MARCHF10: variants seen among roughly 807,000 people sequenced by gnomAD.
MARCHF10 encodes membrane associated ring-CH-type finger 10, also known as probable E3 ubiquitin-protein ligase MARCHF10.
Under a neutral mutation model 76.2 loss-of-function variants are expected in MARCHF10, and 64 were observed. The observed-to-expected ratio is 0.84, with a 90% confidence interval of 0.69 to 1.03. The LOEUF (loss-of-function observed/expected upper bound fraction) is 1.03, where lower values mean the gene tolerates loss of function less well. Among genes scored for constraint, MARCHF10 ranks in the 50% least tolerant of loss-of-function variants. The pLI, the probability that MARCHF10 is intolerant of heterozygous loss-of-function variation, is 0.00. For missense variants in MARCHF10, 875 were observed against 958.0 expected (o/e 0.91, Z 1.14); for synonymous variants, 340 against 357.5 (o/e 0.95, Z 0.55).
intron 8 of MARCHF10, among the ~76,000 whole-genome samples, chr17:62,717,428 C>CAAT (rs2090267361): frequency 6.6e-6 from 1 of 152,260 alleles, no homozygotes; most frequent in African/African-American, 2.4e-5. Flanking sequence ...CCACGTGGAG[C>CAAT]AATGACTGTG....
At chr17:62,781,594 C>T (rs2092659032) in intron 3 of MARCHF10, among the ~76,000 whole-genome samples, 1 of 152,216 alleles carries the variant, frequency 6.6e-6, no homozygotes, top group African/African-American at 2.4e-5. Flanking sequence ...TGAAATCCAA[C>T]TGCTGCATAA....
chr17:62,805,728 G>A (rs1598100042), intron 1 of MARCHF10, among the ~76,000 whole-genome samples: 1 of 151,974 alleles, frequency 6.6e-6, no homozygotes. Context: ...CCTGGCCAAC[G>A]TGGCAAAACC....
At position 62,711,104 on chromosome 17, in the gene MARCHF10, C is replaced by G; in HGVS notation, c.2328+127G>C. 1.4e-6 allele frequency: 1 copy of G among 723,170 alleles called. No homozygotes were observed. Among genetic ancestry groups the G allele is most frequent in the Non-Finnish European group, 2.4e-6 (1 of 417,322 alleles). The allele number at this position is 723,170 out of a possible 1,614,324, so 44.8% of individuals were successfully genotyped here. Reference sequence around the variant, plus strand: ...ACTTAGCAGCTGCTAAATCTTAGTCCTAACAATGATAGTCCCATATCCTCC... The same window carrying G: ...ACTTAGCAGCTGCTAAATCTTAGTCGTAACAATGATAGTCCCATATCCTCC... On this transcript the variant is annotated intron_variant, in intron 9 of 10. Coordinates refer to ENST00000311269, the MANE Select transcript of MARCHF10 (RefSeq NM_152598.4). This position sits in a 1 kb window ranked among gnomAD's most constrained non-coding sequence, Gnocchi z 4.4.
intron 3 of MARCHF10, among the ~76,000 whole-genome samples, chr17:62,769,902 A>T (rs544497267): frequency 2.6e-5 from 4 of 152,096 alleles, no homozygotes; most frequent in South Asian, 2.1e-4. Context: ...GCTTTTAAAA[A>T]TTTTTTTCAA....
chr17:62,744,463 G>T lies in MARCHF10; in HGVS notation c.448C>A (p.Pro150Thr). Residue 150 changes from proline to threonine, a missense_variant, in exon 5 of 11, where the codon CCA becomes ACA. Transcript: ENST00000311269. ...KPNLRRFTVSPESHSPRASGD... is the reference protein window; with the variant it reads ...KPNLRRFTVSTESHSPRASGD... ...GATGCTCTCGGGCTGTGCGATTCTG[G>T]GCTGACTGTAAATCTCCTCAGGTTT... 2 of 1,614,186 alleles carry T rather than the reference G, an allele frequency of 1.2e-6. No homozygotes were observed. The highest frequency in any genetic ancestry group is 1.7e-6 in the Non-Finnish European group (2 of 1,180,032).
chr17:62,741,560 T>G (rs774637866), intron 5 of MARCHF10, among the ~76,000 whole-genome samples: 25 of 152,250 alleles, frequency 1.6e-4, no homozygotes, highest in Non-Finnish European at 3.5e-4. Flanking sequence ...TTTTAAAACC[T>G]TAGTCAAATG....
Position 62,759,924 on chromosome 17 carries a change from G to A in MARCHF10, c.293C>T (p.Ala98Val). ...SAFKCDSKLP[A>V]IDQTSVKQKH... ...CTGCTTGACTGATGTTTGGTCAATTGCTGGAAGTTTGGAGTCACACTTAAA... is the reference window on the plus strand; with the variant it reads ...CTGCTTGACTGATGTTTGGTCAATTACTGGAAGTTTGGAGTCACACTTAAA... The change falls in exon 4 of 11, where the codon GCA (alanine) becomes GTA (valine). Residue 98 changes from alanine (A) to valine (V), a missense_variant. Ala to Val is a moderately conservative substitution (Grantham distance 64, BLOSUM62 0). Transcript: ENST00000311269. 6.2e-7 allele frequency: 1 copy of A among 1,613,982 alleles called. No homozygotes were observed. The highest frequency in any genetic ancestry group is 8.5e-7 in the Non-Finnish European group (1 of 1,179,972).
intron 10 of MARCHF10, among the ~76,000 whole-genome samples, chr17:62,703,831 G>A (rs1397479149): frequency 2.0e-5 from 3 of 152,246 alleles, no homozygotes; most frequent in Non-Finnish European, 2.9e-5. Flanking sequence ...TCTGCCCTCC[G>A]GAGACGTCGG....
At chr17:62,784,039 C>T (rs1428657801) in intron 3 of MARCHF10, among the ~76,000 whole-genome samples, 1 of 152,132 alleles carries the variant, frequency 6.6e-6, no homozygotes, top group Non-Finnish European at 1.5e-5. Flanking sequence ...CCAACATCAT[C>T]CTGATACCAA....
chr17:62,764,497 T>C (rs766291466), intron 3 of MARCHF10, among the ~76,000 whole-genome samples: 10 of 152,126 alleles, frequency 6.6e-5, no homozygotes, highest in Non-Finnish European at 1.3e-4. Context: ...TTGAGTACAT[T>C]TGAAATGAAC....
chr17:62,732,175 A>C (rs1242576347), intron 6 of MARCHF10, among the ~76,000 whole-genome samples: 1 of 152,266 alleles, frequency 6.6e-6, no homozygotes, highest in African/African-American at 2.4e-5. Flanking sequence ...TGTTTATCAA[A>C]GAAAAAGTCA....
At chr17:62,748,632 T>C (rs1007336216) in intron 4 of MARCHF10, among the ~76,000 whole-genome samples, 45 of 152,028 alleles carry the variant, frequency 3.0e-4, no homozygotes, top group Middle Eastern at 3.4e-3. Flanking sequence ...TGGTCCTGGC[T>C]ACATGGGAGG....
intron 2 of MARCHF10, among the ~76,000 whole-genome samples, chr17:62,795,826 C>T (rs773251574): frequency 1.3e-5 from 2 of 152,090 alleles, no homozygotes; most frequent in Admixed American, 1.3e-4. Context: ...TGGGGAATCC[C>T]TGGTCACACT....
At chr17:62,748,215 G>A (rs1448410895) in intron 4 of MARCHF10, among the ~76,000 whole-genome samples, 2 of 152,070 alleles carry the variant, frequency 1.3e-5, no homozygotes, top group Non-Finnish European at 2.9e-5. Flanking sequence ...GGACAAAATA[G>A]TGAAACCCCG....
intron 3 of MARCHF10, among the ~76,000 whole-genome samples, chr17:62,779,063 G>A (rs2092607016): frequency 2.0e-5 from 3 of 152,162 alleles, no homozygotes; most frequent in Admixed American, 2.0e-4. Flanking sequence ...TCTCCATGAC[G>A]TGCGTTTCAG....
At position 62,712,034 on chromosome 17, in the gene MARCHF10, TCTC is replaced by T. The variant is rs2089960997; in HGVS notation, c.2215-693_2215-691del. On this transcript the variant is annotated intron_variant, in intron 8 of 10. Coordinates refer to ENST00000311269, the MANE Select transcript of MARCHF10 (RefSeq NM_152598.4). The surrounding 1 kb of genome is among the most constrained non-coding windows in gnomAD (Gnocchi z 4.2). Reference sequence around the variant, plus strand: ...TGATGGTCTGGCTGCCCATGGCACTTCTCTGTCCTTAGCACTTGGGCTTTGCTG... The same window carrying T: ...TGATGGTCTGGCTGCCCATGGCACTTTGTCCTTAGCACTTGGGCTTTGCTG... Among the ~76,000 whole-genome samples, 1 of 152,226 alleles carries T rather than the reference TCTC, an allele frequency of 6.6e-6. No homozygotes were observed. Among genetic ancestry groups the T allele is most frequent in the Non-Finnish European group, 1.5e-5 (1 of 68,036 alleles).
At chr17:62,716,693 A>C (rs548021063) in intron 8 of MARCHF10, among the ~76,000 whole-genome samples, 345 of 116,998 alleles carry the variant, frequency 2.9e-3, no homozygotes, top group African/African-American at 0.018. Flanking sequence ...AAACAAAAGC[A>C]AAAAAAAAAA....
At chr17:62,730,825 C>T (rs958828198) in intron 6 of MARCHF10, among the ~76,000 whole-genome samples, 5 of 152,050 alleles carry the variant, frequency 3.3e-5, no homozygotes, top group East Asian at 1.9e-4. Context: ...ACCCGGGAGG[C>T]GGAGCTTGCA....
At chr17:62,703,694 G>A (rs2089387110) in intron 10 of MARCHF10, among the ~76,000 whole-genome samples, 1 of 152,248 alleles carries the variant, frequency 6.6e-6, no homozygotes, top group African/African-American at 2.4e-5. Context: ...GTTCCCGGAG[G>A]AAGGATGACA....
Sources: gnomAD v4.1 joint callset for allele counts (sites outside exome capture counted in the v4.1 genomes callset) on GRCh38, gnomAD v4.1.1 for gene constraint, Gnocchi (gnomAD v3.1) non-coding constraint, MANE v1.5 for transcripts, NCBI Gene and HGNC (gene_info 2026-07-23, HGNC 2026-07-21) for gene names.